The following SLC25A21 variants were observed in gnomAD, a reference collection of about 807,000 sequenced individuals.
SLC25A21 encodes mitochondrial 2-oxodicarboxylate carrier.
In SLC25A21, 47 loss-of-function variants were observed where a neutral mutation model predicts 43.8. The ratio of observed to expected loss-of-function variants is 1.07; its 90% CI spans 0.85 to 1.37. SLC25A21 has a LOEUF of 1.37. Ranked by LOEUF, SLC25A21 falls within the 40% of genes most tolerant of loss-of-function variation. The probability of loss-of-function intolerance (pLI) is 0.00; values close to 1 mark genes in which losing one functional copy is unlikely to be tolerated. For synonymous variants in SLC25A21, 131 were observed against 121.3 expected (o/e 1.08, Z -0.52); for missense variants, 352 against 350.2 (o/e 1.00, Z -0.04).
At chr14:36,788,680 T>TA in intron 3 of SLC25A21, 1 of 151,870 alleles carries the variant, frequency 6.6e-6, no homozygotes, top group East Asian at 1.9e-4. Flanking sequence ...CATGTGTCTG[T>TA]ACACATGTTT....
intron 1 of SLC25A21, among the ~76,000 whole-genome samples, chr14:37,050,295 TTCTA>T (rs1961676761): frequency 6.6e-6 from 1 of 152,246 alleles, no homozygotes. Context: ...ACATGGCATT[TTCTA>T]TCTAATACAG....
chr14:36,812,236 T>C (rs528581280), intron 3 of SLC25A21, among the ~76,000 whole-genome samples: 20 of 152,118 alleles, frequency 1.3e-4, no homozygotes, highest in Non-Finnish European at 2.5e-4. Flanking sequence ...AAACAGGAGA[T>C]ACATGTCAGT....
intron 1 of SLC25A21, among the ~76,000 whole-genome samples, chr14:37,036,411 C>T (rs758822225): frequency 1.5e-4 from 20 of 136,622 alleles, no homozygotes; most frequent in Non-Finnish European, 2.7e-4. Flanking sequence ...TTTTAACACA[C>T]ACAGTAAAAC....
rs576664101 is a variant in SLC25A21 at position 36,831,867 on chromosome 14, T to C, written c.120-17866A>G. Among the ~76,000 whole-genome samples, 3 of 152,222 alleles carry C rather than the reference T, an allele frequency of 2.0e-5. No homozygotes were observed. In the East Asian group the frequency reaches 5.8e-4, roughly 29 times the overall value. On this transcript the variant is annotated intron_variant, in intron 2 of 9. Coordinates refer to ENST00000331299, the MANE Select transcript of SLC25A21 (RefSeq NM_030631.4). The stretch of plus-strand genomic sequence containing the variant: ...CTACTGAATTAAATTTCAAACCAAA[T>C]TAGGAACATGGAAAAGACTCTAAAA...
At chr14:36,856,627 T>C (rs777056446) in intron 2 of SLC25A21, among the ~76,000 whole-genome samples, 100 of 152,318 alleles carry the variant, frequency 6.6e-4, no homozygotes, top group Non-Finnish European at 4.7e-4. Context: ...TAGTTAGGGC[T>C]GTGCCAGACA....
At chr14:37,115,262 A>C (rs1016031319) in intron 1 of SLC25A21, among the ~76,000 whole-genome samples, 1 of 152,186 alleles carries the variant, frequency 6.6e-6, no homozygotes, top group Non-Finnish European at 1.5e-5. Context: ...GGTCCCACTG[A>C]AGTTTGCCAA....
intron 1 of SLC25A21, among the ~76,000 whole-genome samples, chr14:37,051,468 G>T (rs1961704696): frequency 6.6e-6 from 1 of 152,156 alleles, no homozygotes; most frequent in African/African-American, 2.4e-5. Context: ...TTTAAGGGTA[G>T]ATTAATTCAC....
At chr14:36,878,955 A>G (rs1415074416) in intron 1 of SLC25A21, among the ~76,000 whole-genome samples, 5 of 152,196 alleles carry the variant, frequency 3.3e-5, no homozygotes, top group Admixed American at 6.5e-5. Context: ...CTCTGGGGAA[A>G]AAAGTTACAA....
chr14:36,975,253 T>A (rs1959842848), intron 1 of SLC25A21, among the ~76,000 whole-genome samples: 2 of 152,198 alleles, frequency 1.3e-5, no homozygotes, highest in African/African-American at 4.8e-5. Context: ...GACCAAAGGT[T>A]ACCTATAATG....
In SLC25A21 at chr14:36,679,380, T is replaced by TTTTA. The variant is rs1344197053; in HGVS notation, c.*1274_*1277dup. ...AATAATTACCATGTTATCTTTTACTTTTTATTTTCAAAATGCTTTAGTGAA... is the reference window on the plus strand; with the variant it reads ...AATAATTACCATGTTATCTTTTACTTTTTATTTATTTTCAAAATGCTTTAGTGAA... On this transcript the variant is annotated 3_prime_UTR_variant, in exon 10 of 10. Transcript: ENST00000331299. 20 of 979,052 alleles carry TTTTA rather than the reference T, an allele frequency of 2.0e-5. No homozygotes were observed. Among genetic ancestry groups the TTTTA allele is most frequent in the South Asian group, 1.9e-4 (4 of 21,158 alleles). 60.6% of individuals were successfully genotyped at this position (979,052 alleles called of 1,614,324 possible).
At chr14:36,764,202 G>C (rs537574059) in intron 3 of SLC25A21, among the ~76,000 whole-genome samples, 6 of 149,482 alleles carry the variant, frequency 4.0e-5, no homozygotes, top group Non-Finnish European at 8.9e-5. Flanking sequence ...GAGAAAGAAA[G>C]AAACTGTTAG....
In SLC25A21 at chr14:36,680,721, T is replaced by G. The variant is rs756034482; in HGVS notation, c.839-2A>C. On this transcript the variant is annotated splice_acceptor_variant, in intron 9 of 9. Transcript: ENST00000331299. LOFTEE classifies it high-confidence loss of function. Reference sequence around the variant, plus strand: ...AAACCAGCAGCATCACTGCACCACCTAGAAAAGAAAAGAGCTGTTTTTTAT... The same window carrying G: ...AAACCAGCAGCATCACTGCACCACCGAGAAAAGAAAAGAGCTGTTTTTTAT... 9.3e-6 allele frequency: 15 copies of G among 1,611,062 alleles called. No homozygotes were observed. The East Asian group carries it at 3.4e-4, about 36-fold the overall frequency.
intron 1 of SLC25A21, among the ~76,000 whole-genome samples, chr14:36,999,197 G>T (rs187784586): frequency 3.9e-4 from 60 of 152,194 alleles, no homozygotes; most frequent in Admixed American, 4.6e-4. Context: ...ATTATTCAGT[G>T]TAAAAAGAAA....
intron 7 of SLC25A21, among the ~76,000 whole-genome samples, chr14:36,687,654 G>A (rs931603419): frequency 6.6e-6 from 1 of 152,144 alleles, no homozygotes; most frequent in Non-Finnish European, 1.5e-5. Context: ...CCCAGGCTGG[G>A]CCTGTGTGTG....
intron 2 of SLC25A21, among the ~76,000 whole-genome samples, chr14:36,855,461 C>G (rs372620311): frequency 6.6e-6 from 1 of 152,148 alleles, no homozygotes; most frequent in African/African-American, 2.4e-5. Flanking sequence ...AGGGAGAAGG[C>G]TTACAACAAT....
At chr14:36,883,911 T>C (rs1213923541) in intron 1 of SLC25A21, among the ~76,000 whole-genome samples, 2 of 152,216 alleles carry the variant, frequency 1.3e-5, no homozygotes, top group Non-Finnish European at 2.9e-5. Flanking sequence ...AATATACACG[T>C]ATACATTGTG....
At position 36,762,652 on chromosome 14, in the gene SLC25A21, A is replaced by G. The variant is rs573844671; in HGVS notation, c.204-28079T>C. On this transcript the variant is annotated intron_variant, in intron 3 of 9. Coordinates refer to ENST00000331299, the MANE Select transcript of SLC25A21 (RefSeq NM_030631.4). ...AAATCTGGAACTGAATCCTAGTTCAATTCTTAGTTCTGCTACTTAGTAGCT... is the reference window on the plus strand; with the variant it reads ...AAATCTGGAACTGAATCCTAGTTCAGTTCTTAGTTCTGCTACTTAGTAGCT... Among the ~76,000 whole-genome samples, 28 of 152,352 alleles carry G rather than the reference A, an allele frequency of 1.8e-4. No homozygotes were observed. The East Asian group carries it at 3.7e-3, about 20-fold the overall frequency.
intron 3 of SLC25A21, among the ~76,000 whole-genome samples, chr14:36,750,570 C>T (rs1207157846): frequency 3.3e-5 from 5 of 152,146 alleles, no homozygotes; most frequent in Non-Finnish European, 7.4e-5. Context: ...TTTGATGGAG[C>T]TTTTGAGATG....
intron 1 of SLC25A21, among the ~76,000 whole-genome samples, chr14:37,127,519 T>G (rs1045297869): frequency 6.6e-6 from 1 of 152,234 alleles, no homozygotes; most frequent in African/African-American, 2.4e-5. Flanking sequence ...CTAGTGCTTT[T>G]TTTTCTTTAG....
Sources: gnomAD v4.1 joint callset for allele counts (sites outside exome capture counted in the v4.1 genomes callset) on GRCh38, gnomAD v4.1.1 for gene constraint, MANE v1.5 for transcripts, NCBI Gene and HGNC (gene_info 2026-07-23, HGNC 2026-07-21) for gene names.